Variants in PTPRD observed in about 807,000 individuals in gnomAD.
The protein encoded by PTPRD is protein tyrosine phosphatase receptor type D.
In PTPRD, 34 loss-of-function variants were observed where a neutral mutation model predicts 214.5. That is an observed-to-expected ratio of 0.16 (90% CI 0.12 to 0.21). The LOEUF (loss-of-function observed/expected upper bound fraction) is 0.21. PTPRD is among the 10% of genes least tolerant of loss of function. PTPRD has a pLI of 1.00. For synonymous variants in PTPRD, 1,128 were observed against 845.7 expected (o/e 1.33, Z -5.79); for missense variants, 2,545 against 2,398.7 (o/e 1.06, Z -1.27).
rs373653029 is a variant in PTPRD at position 8,499,691 on chromosome 9, T to C, written c.2278A>G (p.Lys760Glu). The C allele has an allele frequency of 1.2e-6, 2 of 1,614,116 alleles. No individual in the cohort carries two copies. The highest frequency in any genetic ancestry group is 3.3e-4 in the Middle Eastern group (2 of 6,060). Residue 760 changes from lysine to glutamate, a missense_variant, in exon 25 of 46, where the codon AAG becomes GAG. Physicochemically the swap from Lys to Glu is moderately conservative, Grantham distance 56 (BLOSUM62 1). Coordinates refer to ENST00000381196, the MANE Select transcript of PTPRD (RefSeq NM_002839.4). ...ACATCTTTCAGCATGGGCTGGCCCT[T>C]GGGCTCACCATTTTCCATCCTCACA... Reference protein sequence around the residue: ...HYVRMENGEPKGQPMLKDVML... With the variant: ...HYVRMENGEPEGQPMLKDVML...
rs3847292 is a variant in PTPRD at position 8,352,646 on chromosome 9, T to C, written c.4662-10668A>G. The stretch of plus-strand genomic sequence containing the variant: ...TTGTCATTAGAAATATAAATGCTAT[T>C]ACTCCTGATTCAGGTTAAGCAAGAT... On this transcript the variant is annotated intron_variant, in intron 39 of 45. Transcript: ENST00000381196. Among the ~76,000 whole-genome samples the C allele has an allele frequency of 8.2e-3, 1,245 of 152,250 alleles. 16 individuals are homozygous for C. The highest frequency in any genetic ancestry group is 0.027 in the African/African-American group (1,131 of 41,546).
At chr9:8,989,396 A>G (rs542691948) in intron 11 of PTPRD, among the ~76,000 whole-genome samples, 17 of 152,108 alleles carry the variant, frequency 1.1e-4, no homozygotes, top group African/African-American at 3.6e-4. Flanking sequence ...GTAATCACCA[A>G]TCTATTCTCT....
At chr9:10,271,253 T>C (rs1397298162) in intron 3 of PTPRD, among the ~76,000 whole-genome samples, 2 of 152,166 alleles carry the variant, frequency 1.3e-5, no homozygotes, top group African/African-American at 4.8e-5. Flanking sequence ...TTATAAATAA[T>C]TGATATGTTT....
At chr9:9,403,619 A>C (rs986381280) in intron 8 of PTPRD, among the ~76,000 whole-genome samples, 2 of 152,162 alleles carry the variant, frequency 1.3e-5, no homozygotes, top group African/African-American at 2.4e-5. Context: ...GTGGTGTAAT[A>C]TCAAACAAAT....
chr9:9,877,975 A>C (rs1380388140), intron 5 of PTPRD, among the ~76,000 whole-genome samples: 1 of 139,166 alleles, frequency 7.2e-6, no homozygotes, highest in Non-Finnish European at 1.6e-5. Flanking sequence ...CTCCATCTCA[A>C]AAAAAAAAAA....
intron 7 of PTPRD, among the ~76,000 whole-genome samples, chr9:9,628,773 G>A (rs1593469663): frequency 6.6e-6 from 1 of 151,828 alleles, no homozygotes; most frequent in East Asian, 1.9e-4. Context: ...AATACTCTAT[G>A]AAATTTCTAT....
chr9:8,835,245 G>C (rs570110098), intron 11 of PTPRD, among the ~76,000 whole-genome samples: 137 of 152,350 alleles, frequency 9.0e-4, no homozygotes, highest in Non-Finnish European at 1.6e-3. Context: ...GATCACAGAT[G>C]GATCTGGCTC....
intron 7 of PTPRD, among the ~76,000 whole-genome samples, chr9:9,595,261 C>G (rs1195881612): frequency 7.6e-6 from 1 of 131,546 alleles, no homozygotes; most frequent in African/African-American, 3.3e-5. Context: ...GGAAATAAGT[C>G]TTTATATGAA....
chr9:10,303,935 C>A (rs772317663), intron 3 of PTPRD, among the ~76,000 whole-genome samples: 1 of 152,094 alleles, frequency 6.6e-6, no homozygotes, highest in Non-Finnish European at 1.5e-5. Flanking sequence ...CATCCTGATG[C>A]TGAAACCCGG....
Position 9,774,842 on chromosome 9 carries a change from C to T in PTPRD, c.-367-7991G>A, listed in dbSNP as rs576179300. On this transcript the variant is annotated intron_variant, in intron 5 of 45. Coordinates refer to ENST00000381196, the MANE Select transcript of PTPRD (RefSeq NM_002839.4). ...CCTGGCAGTCTCCAGGAGGGTTAAT[C>T]GTTATATTCTTTTGCTGTTTTATGC... Among the ~76,000 whole-genome samples the T allele has an allele frequency of 5.3e-5, 8 of 152,268 alleles. No individual in the cohort carries two copies. The South Asian group carries it at 8.3e-4, about 16-fold the overall frequency.
intron 11 of PTPRD, among the ~76,000 whole-genome samples, chr9:8,777,676 C>G (rs1404664127): frequency 3.3e-5 from 5 of 152,128 alleles, no homozygotes; most frequent in African/African-American, 1.2e-4. Flanking sequence ...TGTAAACATT[C>G]AGTGGTATGA....
At chr9:9,632,539 G>C (rs1198322542) in intron 7 of PTPRD, among the ~76,000 whole-genome samples, 1 of 151,936 alleles carries the variant, frequency 6.6e-6, no homozygotes, top group African/African-American at 2.4e-5. Context: ...TTGTTCACTT[G>C]CAAATGGTGC....
chr9:10,102,584 A>G (rs998763436), intron 3 of PTPRD, among the ~76,000 whole-genome samples: 2 of 151,628 alleles, frequency 1.3e-5, no homozygotes, highest in Non-Finnish European at 3.0e-5. Flanking sequence ...ATAGTAAAAC[A>G]TTCATAAGAT....
intron 4 of PTPRD, among the ~76,000 whole-genome samples, chr9:9,971,556 T>G (rs2095103471): frequency 6.6e-6 from 1 of 152,186 alleles, no homozygotes; most frequent in Non-Finnish European, 1.5e-5. Context: ...AACTAATGAG[T>G]TAGATTATGG....
rs1377279784 is a variant in PTPRD at position 8,699,027 on chromosome 9, T to C, written c.64+34753A>G. ...CATTTGAAGTTGTGAATTCTTTTCT[T>C]CTTTAAGGATGGATTTCTCATACCC... is the stretch of plus-strand genomic sequence containing the variant. On this transcript the variant is annotated intron_variant, in intron 12 of 45. Coordinates refer to ENST00000381196, the MANE Select transcript of PTPRD (RefSeq NM_002839.4). Among the ~76,000 whole-genome samples, 3 of 152,172 alleles carry C rather than the reference T, an allele frequency of 2.0e-5. No individual in the cohort carries two copies. The East Asian group carries it at 5.8e-4, about 29-fold the overall frequency.
At chr9:9,883,967 CT>C (rs542150168) in intron 5 of PTPRD, among the ~76,000 whole-genome samples, 5 of 151,960 alleles carry the variant, frequency 3.3e-5, no homozygotes, top group South Asian at 2.1e-4. Context: ...ACATTTCTTC[CT>C]TTTTTTTAAA....
At chr9:9,227,529 A>G (rs2099960301) in intron 9 of PTPRD, among the ~76,000 whole-genome samples, 1 of 152,108 alleles carries the variant, frequency 6.6e-6, no homozygotes, top group African/African-American at 2.4e-5. Flanking sequence ...ACTCCTCCCT[A>G]TAAGAGACAA....
At chr9:8,853,734 C>T (rs1034229277) in intron 11 of PTPRD, among the ~76,000 whole-genome samples, 1 of 152,160 alleles carries the variant, frequency 6.6e-6, no homozygotes, top group South Asian at 2.1e-4. Flanking sequence ...AATAACTCTT[C>T]TCTTTGCTCT....
chr9:10,147,790 G>C (rs1340826967), intron 3 of PTPRD, among the ~76,000 whole-genome samples: 1 of 152,158 alleles, frequency 6.6e-6, no homozygotes, highest in Non-Finnish European at 1.5e-5. Flanking sequence ...TCAGGCAAGA[G>C]AATTGCTTGA....
Sources: gnomAD v4.1 joint callset for allele counts (sites outside exome capture counted in the v4.1 genomes callset) on GRCh38, gnomAD v4.1.1 for gene constraint, MANE v1.5 for transcripts, NCBI Gene and HGNC (gene_info 2026-07-23, HGNC 2026-07-21) for gene names.